ATG3: variants seen among roughly 807,000 people sequenced by gnomAD.
The protein encoded by ATG3 is ubiquitin-like-conjugating enzyme ATG3.
Under a neutral mutation model 50.7 loss-of-function variants are expected in ATG3, and 25 were observed. The observed-to-expected ratio is 0.49, with a 90% confidence interval of 0.36 to 0.69. The LOEUF (loss-of-function observed/expected upper bound fraction) is 0.69. Ranked by LOEUF, ATG3 falls within the 30% of genes least tolerant of loss-of-function variation. The pLI is 0.00. For synonymous variants in ATG3, 119 were observed against 125.5 expected, an observed-to-expected ratio of 0.95 and a Z score of 0.34; for missense variants, 281 against 376.0, an observed-to-expected ratio of 0.75 and a Z score of 2.09.
rs1460100211 is a variant in ATG3 at position 112,534,338 on chromosome 3, C to T, written c.795-1G>A. The T allele has an allele frequency of 7.0e-7, 1 of 1,431,642 alleles. No individual in the cohort carries two copies. Among genetic ancestry groups the T allele is most frequent in the Non-Finnish European group, 9.1e-7 (1 of 1,099,982 alleles). The allele number at this position is 1,431,642 out of a possible 1,614,324, so 88.7% of individuals were successfully genotyped here. A position where few individuals can be genotyped will look rare whatever the true frequency, so the allele number is the denominator to read the frequency against. ...GATTTTCTTCATCACCTCAGCATGC[C>T]TAGAAGCCAAAAAAAAAAAAAATTG... On this transcript the variant is annotated splice_acceptor_variant, in intron 10 of 11. Transcript: ENST00000283290. LOFTEE classifies it high-confidence loss of function.
intron 2 of ATG3, among the ~76,000 whole-genome samples, chr3:112,555,277 C>A (rs1212565651): frequency 6.6e-6 from 1 of 152,142 alleles, no homozygotes; most frequent in African/African-American, 2.4e-5. Context: ...TTAGCAATGG[C>A]CATCATAACT....
intron 2 of ATG3, among the ~76,000 whole-genome samples, chr3:112,556,510 C>G (rs1249625024): frequency 6.6e-6 from 1 of 152,148 alleles, no homozygotes; most frequent in Non-Finnish European, 1.5e-5. Context: ...CGGCCACCAC[C>G]CCGTCTGGGA....
At chr3:112,533,413 A>C (rs2107364415) in intron 11 of ATG3, 1 of 985,282 alleles carries the variant, frequency 1.0e-6, no homozygotes, top group Non-Finnish European at 1.2e-6. Context: ...CCAGTTAGGC[A>C]TAATAGGACT....
intron 5 of ATG3, among the ~76,000 whole-genome samples, chr3:112,545,669 T>C (rs778103311): frequency 6.6e-6 from 1 of 152,104 alleles, no homozygotes; most frequent in Non-Finnish European, 1.5e-5. Context: ...ACAAAGCAAA[T>C]CAACCTCTTT....
At chr3:112,553,886 G>A (rs748414144) in intron 2 of ATG3, among the ~76,000 whole-genome samples, 1 of 152,200 alleles carries the variant, frequency 6.6e-6, no homozygotes, top group Middle Eastern at 3.4e-3. Context: ...AAAGAGAAAT[G>A]CAGTGCCAAA....
Position 112,555,165 on chromosome 3 carries a change from T to C in ATG3, c.115-1836A>G, listed in dbSNP as rs980601398. On this transcript the variant is annotated intron_variant, in intron 2 of 11. Transcript: ENST00000283290. ...CTCATAGTCCCTATAGTATCTTCTA[T>C]TTAAAAACAAGAACACTAGGAGGCA... Among the ~76,000 whole-genome samples the C allele has an allele frequency of 3.3e-5, 5 of 152,166 alleles. No homozygotes were observed. In the East Asian group the frequency reaches 9.6e-4, roughly 29 times the overall value.
At chr3:112,551,239 G>A (rs1933517754) in intron 3 of ATG3, among the ~76,000 whole-genome samples, 1 of 152,194 alleles carries the variant, frequency 6.6e-6, no homozygotes, top group Admixed American at 6.5e-5. Context: ...ACAAGGTAAA[G>A]TCAGGAAATG....
chr3:112,546,366 A>G (rs1366206704), intron 5 of ATG3, among the ~76,000 whole-genome samples: 1 of 152,208 alleles, frequency 6.6e-6, no homozygotes, highest in Admixed American at 6.5e-5. Flanking sequence ...TGGGTAGCAT[A>G]TACAGCATGC....
chr3:112,543,348 T>C (rs1312834123), intron 6 of ATG3, among the ~76,000 whole-genome samples: 1 of 152,076 alleles, frequency 6.6e-6, no homozygotes, highest in Non-Finnish European at 1.5e-5. Context: ...TTGATCTCTC[T>C]GAGAAATGAA....
rs1576734804 is a variant in ATG3, at chr3:112,561,538, G to A, written c.-10C>T. 3 of 1,606,714 alleles carry A rather than the reference G, an allele frequency of 1.9e-6. No individual in the cohort carries two copies. The highest frequency in any genetic ancestry group is 1.7e-4 in the Middle Eastern group (1 of 6,052). The stretch of plus-strand genomic sequence containing the variant: ...TAATCACATTCTGCATCCTGGGGCC[G>A]GAGTAGCGGCCGGCCCCGCGACGGG... On this transcript the variant is annotated 5_prime_UTR_variant, in exon 1 of 12. Transcript: ENST00000283290.
chr3:112,553,393 G>T (rs1428502026), intron 2 of ATG3, 64 bp from the exon 3 acceptor site: 1 of 1,454,014 alleles, frequency 6.9e-7, no homozygotes, highest in Non-Finnish European at 9.7e-7. Flanking sequence ...CACTGAATGT[G>T]CAAGGTGGCA....
At chr3:112,557,995 G>A (rs188934161) in intron 2 of ATG3, 38 of 164,916 alleles carry the variant, frequency 2.3e-4, no homozygotes, top group Admixed American at 2.0e-3. Flanking sequence ...AGTAAGCAAA[G>A]TTTTCCAATG....
At chr3:112,558,346 A>G in intron 2 of ATG3, 30 bp downstream of exon 2, 1 of 1,536,604 alleles carries the variant, frequency 6.5e-7, no homozygotes, top group Non-Finnish European at 8.9e-7. Flanking sequence ...TTGTAAAATA[A>G]AAAGACTTCA....
In ATG3 at chr3:112,544,579, G is replaced by A. The variant is rs117322459; in HGVS notation, c.344-473C>T. Among the ~76,000 whole-genome samples, 680 of 144,520 alleles carry A rather than the reference G, an allele frequency of 4.7e-3. 13 individuals are homozygous for A. The East Asian group carries it at 0.071, about 15-fold the overall frequency. The allele number at this position is 144,520 out of a possible 152,430, so 94.8% of individuals were successfully genotyped here. ...TGAGACAGGAGAATCGCTTGGACCC[G>A]GAAGGTGGAGGTTGCAATGAGCCGA... On this transcript the variant is annotated intron_variant, in intron 5 of 11. Coordinates refer to ENST00000283290, the MANE Select transcript of ATG3 (RefSeq NM_022488.5).
intron 5 of ATG3, 23 bp downstream of exon 5, chr3:112,548,509 TA>T: frequency 6.5e-7 from 1 of 1,541,360 alleles, no homozygotes; most frequent in Non-Finnish European, 9.0e-7. Context: ...AAACTAAATA[TA>T]TGTCATTTTA....
intron 6 of ATG3, 130 bp from the exon 7 acceptor site, chr3:112,542,014 C>T (rs571851460): frequency 1.7e-6 from 1 of 605,544 alleles, no homozygotes; most frequent in African/African-American, 1.8e-5. Flanking sequence ...CCACAAAAAC[C>T]TTAAACTCCA....
chr3:112,544,802 C>A (rs1402027210), intron 5 of ATG3, among the ~76,000 whole-genome samples: 1 of 151,926 alleles, frequency 6.6e-6, no homozygotes, highest in Non-Finnish European at 1.5e-5. Context: ...GTGCTTGGGA[C>A]CAGAAGTATT....
intron 7 of ATG3, among the ~76,000 whole-genome samples, chr3:112,540,631 G>GA (rs11418937): frequency 0.049 from 7,059 of 145,104 alleles, 309 homozygotes; most frequent in African/African-American, 0.12. Context: ...TAAGCAAGGG[G>GA]AAAAAAAAAA....
chr3:112,541,990 A>T, intron 6 of ATG3, 106 bp from the exon 7 acceptor site: 1 of 797,500 alleles, frequency 1.3e-6, no homozygotes, highest in Non-Finnish European at 1.9e-6. Flanking sequence ...TAAGAATGAC[A>T]AGGCAGTTCT....
Sources: gnomAD v4.1 joint callset for allele counts (sites outside exome capture counted in the v4.1 genomes callset) on GRCh38, gnomAD v4.1.1 for gene constraint, MANE v1.5 for transcripts, NCBI Gene and HGNC (gene_info 2026-07-23, HGNC 2026-07-21) for gene names.